Variants in DIAPH2 observed in about 807,000 individuals in gnomAD.
The protein encoded by DIAPH2 is protein diaphanous homolog 2.
DIAPH2 carries 35 observed loss-of-function variants against 92.7 expected under a neutral mutation model. That is an observed-to-expected ratio of 0.38 (90% CI 0.29 to 0.50). DIAPH2 has a LOEUF of 0.50. Among genes scored for constraint, DIAPH2 ranks in the 20% least tolerant of loss-of-function variants. DIAPH2 has a pLI of 0.94. For missense variants in DIAPH2, 701 were observed against 819.5 expected (o/e 0.86, Z 1.77); for synonymous variants, 301 against 280.4 (o/e 1.07, Z -0.73).
chrX:97,067,095 T>A (rs2066638799), intron 17 of DIAPH2, among the ~76,000 whole-genome samples: 1 of 111,682 alleles, frequency 9.0e-6, no homozygotes, highest in African/African-American at 3.3e-5. Context: ...ATATGTAGCA[T>A]GTGCAAGGAG....
Position 96,930,813 on chromosome X carries a change from C to A in DIAPH2, c.1059C>A (p.Phe353Leu). 8.4e-7 allele frequency: 1 copy of A among 1,195,713 alleles called. No homozygotes were observed. Among genetic ancestry groups the A allele is most frequent in the Non-Finnish European group, 1.1e-6 (1 of 888,891 alleles). ...TTCGAATACATTTAAGGAATGAATT[C>A]CTCCGTTCAGGACTAAAAACAATGT... is the stretch of plus-strand genomic sequence containing the variant. ...LDFRIHLRNE[F>L]LRSGLKTMLP... The change falls in exon 10 of 27, where the codon TTC (phenylalanine) becomes TTA (leucine). Residue 353 changes from phenylalanine (F) to leucine (L), a missense_variant. Coordinates refer to ENST00000324765, the MANE Select transcript of DIAPH2 (RefSeq NM_006729.5).
intron 22 of DIAPH2, among the ~76,000 whole-genome samples, chrX:97,166,807 C>T (rs1286745625): frequency 8.9e-6 from 1 of 111,825 alleles, no homozygotes; most frequent in Non-Finnish European, 1.9e-5. Flanking sequence ...ATTCCTCCCC[C>T]TGCTCCAAAC....
intron 8 of DIAPH2, among the ~76,000 whole-genome samples, chrX:96,917,420 A>G (rs1475132500): frequency 9.0e-6 from 1 of 111,559 alleles, no homozygotes; most frequent in African/African-American, 3.2e-5. Context: ...ACACTAAACA[A>G]AAATATTATC....
intron 4 of DIAPH2, among the ~76,000 whole-genome samples, chrX:96,780,774 G>C (rs1226216475): frequency 2.8e-5 from 3 of 106,362 alleles, no homozygotes; most frequent in African/African-American, 1.0e-4. Context: ...GAGCCACCAT[G>C]CCCTGTCGAG....
intron 17 of DIAPH2, among the ~76,000 whole-genome samples, chrX:97,071,331 A>G (rs2147910859): frequency 8.9e-6 from 1 of 111,819 alleles, no homozygotes; most frequent in African/African-American, 3.2e-5. Flanking sequence ...ATTTTAAAAC[A>G]TATTTGGAAA....
chrX:97,072,676 T>C (rs1383562523), intron 17 of DIAPH2, among the ~76,000 whole-genome samples: 4 of 112,082 alleles, frequency 3.6e-5, no homozygotes, highest in Non-Finnish European at 7.5e-5. Flanking sequence ...GAGTAATTAA[T>C]GTTGCGTATT....
At chrX:96,735,883 C>T (rs2064084400) in intron 2 of DIAPH2, 93 bp downstream of exon 2, 6 of 497,153 alleles carry the variant, frequency 1.2e-5, no homozygotes, top group Admixed American at 1.1e-4. Flanking sequence ...ATGTAAGATA[C>T]AAAATGTCTG....
intron 3 of DIAPH2, among the ~76,000 whole-genome samples, chrX:96,744,633 A>G (rs1242027356): frequency 8.9e-6 from 1 of 112,169 alleles, no homozygotes; most frequent in Non-Finnish European, 1.9e-5. Flanking sequence ...TTTATGGAGC[A>G]TCAATTGAGA....
intron 26 of DIAPH2, among the ~76,000 whole-genome samples, chrX:97,438,445 A>G (rs144300224): frequency 0.017 from 1,645 of 94,392 alleles, 46 homozygotes; most frequent in African/African-American, 0.063. Context: ...CACTCCCTGC[A>G]GCCTCAAACT....
At chrX:96,935,088 G>T (rs746317821) in intron 10 of DIAPH2, among the ~76,000 whole-genome samples, 2 of 111,255 alleles carry the variant, frequency 1.8e-5, no homozygotes, top group African/African-American at 3.3e-5. Flanking sequence ...GATCTATACC[G>T]CATGTCTTTT....
At chrX:96,797,585 A>G (rs1216863750) in intron 4 of DIAPH2, among the ~76,000 whole-genome samples, 1 of 112,387 alleles carries the variant, frequency 8.9e-6, no homozygotes, top group Admixed American at 9.4e-5. Flanking sequence ...ATCATGGCAG[A>G]AGGCAAAGGA....
At chrX:97,504,164 A>G (rs1402571993) in intron 26 of DIAPH2, among the ~76,000 whole-genome samples, 1 of 112,213 alleles carries the variant, frequency 8.9e-6, no homozygotes, top group Non-Finnish European at 1.9e-5. Flanking sequence ...TGTTTATAAT[A>G]TCTCTGGCAA....
chrX:97,052,094 C>A (rs940027306), intron 17 of DIAPH2, among the ~76,000 whole-genome samples: 3 of 111,159 alleles, frequency 2.7e-5, no homozygotes, highest in South Asian at 3.8e-4. Context: ...AAGAATAAGA[C>A]GTGTTCAACT....
intron 17 of DIAPH2, among the ~76,000 whole-genome samples, chrX:97,058,354 C>T (rs2066572071): frequency 9.0e-6 from 1 of 110,942 alleles, no homozygotes; most frequent in Non-Finnish European, 1.9e-5. Flanking sequence ...GATCTCTATT[C>T]AGCAAATGTT....
At chrX:96,707,138 T>A (rs2063889963) in intron 1 of DIAPH2, among the ~76,000 whole-genome samples, 1 of 108,668 alleles carries the variant, frequency 9.2e-6, no homozygotes, top group African/African-American at 3.3e-5. Context: ...GTCTCTACTT[T>A]TTGATTGATT....
chrX:97,367,069 T>A (rs1602539188), intron 24 of DIAPH2, among the ~76,000 whole-genome samples: 1 of 111,450 alleles, frequency 9.0e-6, no homozygotes, highest in Non-Finnish European at 1.9e-5. Flanking sequence ...CCCTAAATCC[T>A]CTTATAAGTT....
At chrX:97,447,242 TA>T (rs2070319662) in intron 26 of DIAPH2, among the ~76,000 whole-genome samples, 1 of 111,218 alleles carries the variant, frequency 9.0e-6, no homozygotes, top group African/African-American at 3.3e-5. Flanking sequence ...GAATTAAATG[TA>T]ATGTTTCTAG....
chrX:96,723,075 C>CT (rs920749491), intron 1 of DIAPH2, among the ~76,000 whole-genome samples: 1 of 111,324 alleles, frequency 9.0e-6, no homozygotes, highest in Non-Finnish European at 1.9e-5. Context: ...TAGTTCCTTC[C>CT]TAAAAAAAGT....
At chrX:96,836,717 ATTTTTTTTTTT>A (rs1172979194) in intron 4 of DIAPH2, among the ~76,000 whole-genome samples, 2 of 18,888 alleles carry the variant, frequency 1.1e-4, no homozygotes, top group African/African-American at 4.2e-4. Flanking sequence ...ATATATATAT[ATTTTTTTTTTT>A]TTTTTTTTTT....
Sources: gnomAD v4.1 joint callset for allele counts (sites outside exome capture counted in the v4.1 genomes callset) on GRCh38, gnomAD v4.1.1 for gene constraint, MANE v1.5 for transcripts, NCBI Gene and HGNC (gene_info 2026-07-23, HGNC 2026-07-21) for gene names.